SEC13: variants seen among roughly 807,000 people sequenced by gnomAD.
SEC13 encodes the protein SEC13 homolog, nuclear pore and COPII component, also known as protein SEC13 homolog.
Under a neutral mutation model 49.2 loss-of-function variants are expected in SEC13, and 25 were observed. The observed-to-expected ratio is 0.51, with a 90% CI of 0.37 to 0.71. The LOEUF (loss-of-function observed/expected upper bound fraction) is 0.71. Ranked by LOEUF, SEC13 falls within the 30% of genes least tolerant of loss-of-function variation. The pLI is 0.00. For missense variants in SEC13, 383 were observed against 417.6 expected (o/e 0.92, Z 0.72); for synonymous variants, 148 against 163.9 (o/e 0.90, Z 0.74).
intron 5 of SEC13, among the ~76,000 whole-genome samples, chr3:10,311,067 T>C (rs1362029461): frequency 1.3e-5 from 2 of 151,732 alleles, no homozygotes; most frequent in Non-Finnish European, 2.9e-5. Flanking sequence ...GGCCCCTGCC[T>C]GTGTGGAGTC....
At chr3:10,320,875 G>A (rs1429581110) in intron 1 of SEC13, 175 bp downstream of exon 1, 1 of 1,399,112 alleles carries the variant, frequency 7.1e-7, no homozygotes, top group Non-Finnish European at 9.3e-7. Flanking sequence ...CCTCACCTCT[G>A]GACTCCCCTC....
intron 2 of SEC13, among the ~76,000 whole-genome samples, chr3:10,316,724 T>C (rs1559501000): frequency 6.6e-6 from 1 of 152,180 alleles, no homozygotes; most frequent in Non-Finnish European, 1.5e-5. Context: ...AAACAAGATA[T>C]TGAATGAAAA....
At chr3:10,302,256 CAAA>C (rs1700580977) in intron 8 of SEC13, among the ~76,000 whole-genome samples, 2 of 152,016 alleles carry the variant, frequency 1.3e-5, no homozygotes, top group African/African-American at 4.8e-5. Context: ...AAACAAAAAA[CAAA>C]AACAATCTAA....
chr3:10,313,791 A>G (rs140476751), intron 3 of SEC13: 3,577 of 174,152 alleles, frequency 0.021, 57 homozygotes, highest in South Asian at 0.041. Context: ...CACAGCAAAC[A>G]TAACTGCCTT....
Position 10,301,322 on chromosome 3 carries a change from A to C in SEC13, c.908T>G (p.Val303Gly), listed in dbSNP as rs765520692. The change falls in exon 9 of 9, where the codon GTC (valine) becomes GGC (glycine). Residue 303 changes from valine to glycine, a missense_variant. Coordinates refer to ENST00000350697, the MANE Select transcript of SEC13 (RefSeq NM_183352.3). ...TGATACGGAGCCCTGGCCCTTGTTGACATCACTGATGCACACCCACTGCCC... is the reference window on the plus strand; with the variant it reads ...TGATACGGAGCCCTGGCCCTTGTTGCCATCACTGATGCACACCCACTGCCC... Reference protein sequence around the residue: ...VDGQWVCISDVNKGQGSVSAS... With the variant: ...VDGQWVCISDGNKGQGSVSAS... 8.1e-6 allele frequency: 13 copies of C among 1,613,958 alleles called. No individual in the cohort carries two copies. The African/African-American group carries it at 1.7e-4, about 22-fold the overall frequency.
At position 10,301,061 on chromosome 3, in the gene SEC13, A is replaced by C. The variant is rs555526457; in HGVS notation, c.*200T>G. 23 of 1,608,122 alleles carry C rather than the reference A, an allele frequency of 1.4e-5. No individual in the cohort carries two copies. The East Asian group carries it at 4.7e-4, about 33-fold the overall frequency. ...CTTGTAGTTTCTTCCTCGTAACATG[A>C]GTGCTTTCAGCTGGACAGTAGATTA... is the stretch of plus-strand genomic sequence containing the variant. On this transcript the variant is annotated 3_prime_UTR_variant, in exon 9 of 9. Coordinates refer to ENST00000350697, the MANE Select transcript of SEC13 (RefSeq NM_183352.3).
At chr3:10,320,491 C>T (rs2059756688) in intron 1 of SEC13, 1 of 985,112 alleles carries the variant, frequency 1.0e-6, no homozygotes, top group South Asian at 4.7e-5. Context: ...TTTACGTTTC[C>T]CGAGGTGCCC....
At chr3:10,302,250 AAAAAAC>A (rs1301253891) in intron 8 of SEC13, among the ~76,000 whole-genome samples, 3 of 152,184 alleles carry the variant, frequency 2.0e-5, no homozygotes, top group East Asian at 1.9e-4. Flanking sequence ...AAAACAAAAC[AAAAAAC>A]AAAAACAATC....
intron 7 of SEC13, 36 bp from the exon 8 acceptor site, chr3:10,304,208 C>T: frequency 1.2e-6 from 2 of 1,609,680 alleles, no homozygotes; most frequent in African/African-American, 1.3e-5. Context: ...GAGGTGGAGT[C>T]AAGACTCCTG....
intron 1 of SEC13, chr3:10,319,436 C>A: frequency 1.7e-6 from 1 of 589,770 alleles, no homozygotes; most frequent in Middle Eastern, 3.1e-4. Context: ...CAGAGACCTG[C>A]GACAGACTAA....
intron 1 of SEC13, chr3:10,319,076 T>TA: frequency 3.4e-6 from 5 of 1,452,870 alleles, no homozygotes; most frequent in Non-Finnish European, 4.7e-6. Flanking sequence ...ACTCTTCTCT[T>TA]AAATTCTTGG....
chr3:10,311,275 C>T (rs1411398058), intron 5 of SEC13, among the ~76,000 whole-genome samples: 1 of 152,202 alleles, frequency 6.6e-6, no homozygotes, highest in Non-Finnish European at 1.5e-5. Context: ...GCTGCCAGGA[C>T]AGGCTCCAAC....
intron 5 of SEC13, among the ~76,000 whole-genome samples, chr3:10,307,921 A>G (rs777292150): frequency 1.3e-5 from 2 of 152,158 alleles, no homozygotes; most frequent in Admixed American, 6.5e-5. Flanking sequence ...AAGTAACTAT[A>G]TATTTATGCT....
intron 8 of SEC13, among the ~76,000 whole-genome samples, 162 bp from the exon 9 acceptor site, chr3:10,301,536 G>C (rs538538173): frequency 1.3e-5 from 2 of 152,252 alleles, no homozygotes; most frequent in South Asian, 4.1e-4. Context: ...GAGAGTCCAG[G>C]AATAAAAACT....
chr3:10,318,403 A>G (rs2059702105), intron 1 of SEC13, among the ~76,000 whole-genome samples: 1 of 151,854 alleles, frequency 6.6e-6, no homozygotes, highest in Non-Finnish European at 1.5e-5. Flanking sequence ...TGAGCCCTAG[A>G]TGATGGGTAG....
At chr3:10,315,078 T>C in intron 3 of SEC13, 1 of 425,778 alleles carries the variant, frequency 2.3e-6, no homozygotes, top group South Asian at 3.0e-5. Context: ...GGTCTTCTGG[T>C]GGGTACACAT....
chr3:10,315,691 G>A (rs1323999250), intron 2 of SEC13, among the ~76,000 whole-genome samples: 1 of 152,184 alleles, frequency 6.6e-6, no homozygotes, highest in Non-Finnish European at 1.5e-5. Context: ...TCAGGGAAGG[G>A]CTCTTCCATT....
intron 1 of SEC13, chr3:10,320,678 A>T: frequency 9.2e-7 from 1 of 1,091,154 alleles, no homozygotes; most frequent in Non-Finnish European, 1.1e-6. Flanking sequence ...TAAAGTGTTG[A>T]GAAGAATAGC....
intron 5 of SEC13, 63 bp from the exon 6 acceptor site, chr3:10,305,755 G>C: frequency 6.3e-7 from 1 of 1,591,464 alleles, no homozygotes; most frequent in Admixed American, 1.7e-5. Context: ...GCAGACCCAA[G>C]CCTGCTGTCC....
Sources: allele counts gnomAD v4.1 joint callset (sites outside exome capture counted in the v4.1 genomes callset), GRCh38; gene constraint gnomAD v4.1.1; transcripts MANE v1.5; gene names NCBI Gene and HGNC (gene_info 2026-07-23, HGNC 2026-07-21).